The following ATP13A3 variants were observed in gnomAD, a reference collection of about 807,000 sequenced individuals.
The protein encoded by ATP13A3 is polyamine-transporting ATPase 13A3.
In ATP13A3, 59 loss-of-function variants were observed where a neutral mutation model predicts 158.1. That is an observed-to-expected ratio of 0.37 (90% CI 0.30 to 0.46). ATP13A3 has a LOEUF of 0.46. ATP13A3 is among the 20% of genes least tolerant of loss of function. The pLI, the probability that ATP13A3 is intolerant of heterozygous loss-of-function variation, is 1.00. For missense variants in ATP13A3, 1,166 were observed against 1,525.2 expected, an observed-to-expected ratio of 0.76 and a Z score of 3.92; for synonymous variants, 491 against 504.3, an observed-to-expected ratio of 0.97 and a Z score of 0.35.
At chr3:194,489,090 C>CA (rs1421792253), upstream of ATP13A3, among the ~76,000 whole-genome samples, 1 of 152,212 alleles carries the variant, frequency 6.6e-6, no homozygotes, top group Non-Finnish European at 1.5e-5. This position sits in a 1 kb window ranked among gnomAD's most constrained non-coding sequence, Gnocchi z 4.1. Flanking sequence ...ATTCTTAATT[C>CA]AGCCCTCTGC....
At chr3:194,468,478 A>G (rs1287118937) in intron 2 of ATP13A3, among the ~76,000 whole-genome samples, 1 of 151,990 alleles carries the variant, frequency 6.6e-6, no homozygotes, top group Non-Finnish European at 1.5e-5. Flanking sequence ...TTGAAAGTTT[A>G]CTTATTTTTT....
At chr3:194,440,362 G>T (rs967384300) in intron 16 of ATP13A3, among the ~76,000 whole-genome samples, 2 of 152,200 alleles carry the variant, frequency 1.3e-5, no homozygotes, top group Non-Finnish European at 2.9e-5. Context: ...ACATGAGGGT[G>T]AGGATTCCAG....
At chr3:194,471,554 A>G (rs1286012397) in intron 2 of ATP13A3, among the ~76,000 whole-genome samples, 2 of 152,034 alleles carry the variant, frequency 1.3e-5, no homozygotes, top group Non-Finnish European at 2.9e-5. Flanking sequence ...GGGTTTCACT[A>G]TATTGCCCAG....
intron 20 of ATP13A3, among the ~76,000 whole-genome samples, chr3:194,434,697 G>A (rs879471264): frequency 2.7e-4 from 41 of 152,166 alleles, no homozygotes; most frequent in Non-Finnish European, 1.8e-4. Flanking sequence ...TAGGAGGATT[G>A]CTTGAACCTA....
chr3:194,406,901 C>A (rs1714979846), intron 33 of ATP13A3, among the ~76,000 whole-genome samples: 1 of 152,182 alleles, frequency 6.6e-6, no homozygotes, highest in Non-Finnish European at 1.5e-5. Flanking sequence ...TGCTCCACGA[C>A]TGGAAAGGGG....
intron 2 of ATP13A3, among the ~76,000 whole-genome samples, chr3:194,469,792 T>C (rs1461740528): frequency 6.6e-6 from 1 of 152,226 alleles, no homozygotes; most frequent in East Asian, 1.9e-4. Flanking sequence ...AATATTATTT[T>C]ATTCTCAAAC....
rs1714739482 is a variant in ATP13A3 at position 194,403,385 on chromosome 3, G to C, written c.*2534C>G. 1 of 152,148 alleles carries C rather than the reference G, an allele frequency of 6.6e-6. No homozygotes were observed. Among genetic ancestry groups the C allele is most frequent in the East Asian group, 1.9e-4 (1 of 5,206 alleles). The allele number at this position is 152,148 out of a possible 1,614,324, so 9.4% of individuals were successfully genotyped here. The stretch of plus-strand genomic sequence containing the variant: ...CATTGCTTTACAGCAGTTGGTGCTA[G>C]AAGATACAAAACATATAGTTACCAC... On this transcript the variant is annotated 3_prime_UTR_variant, in exon 34 of 34. Coordinates refer to ENST00000645319, the MANE Select transcript of ATP13A3 (RefSeq NM_001367549.1).
rs201353843 is a variant in ATP13A3 at position 194,455,965 on chromosome 3, A to G, written c.561-3T>C. On this transcript the variant is annotated splice_region_variant and splice_polypyrimidine_tract_variant and intron_variant, in intron 7 of 33. Coordinates refer to ENST00000645319, the MANE Select transcript of ATP13A3 (RefSeq NM_001367549.1). Reference sequence around the variant, plus strand: ...CATTTACTCCATAAAGCAGTTTTCTATAACAGGAAAATACATTCATAGTAT... The same window carrying G: ...CATTTACTCCATAAAGCAGTTTTCTGTAACAGGAAAATACATTCATAGTAT... The G allele has an allele frequency of 9.3e-6, 14 of 1,508,094 alleles. No homozygotes were observed. Among genetic ancestry groups the G allele is most frequent in the Non-Finnish European group, 1.2e-5 (13 of 1,109,274 alleles). The allele number at this position is 1,508,094 out of a possible 1,614,324, so 93.4% of individuals were successfully genotyped here.
At chr3:194,435,821 C>T (rs1238618163) in intron 20 of ATP13A3, among the ~76,000 whole-genome samples, 3 of 152,100 alleles carry the variant, frequency 2.0e-5, no homozygotes, top group Non-Finnish European at 4.4e-5. Flanking sequence ...GAAGGAGAAT[C>T]GCTTGAACCC....
chr3:194,433,561 T>C (rs1717403323), intron 21 of ATP13A3, among the ~76,000 whole-genome samples: 1 of 152,330 alleles, frequency 6.6e-6, no homozygotes, highest in Admixed American at 6.5e-5. Context: ...ACTATTCTAC[T>C]ACACTTTCTA....
intron 4 of ATP13A3, among the ~76,000 whole-genome samples, chr3:194,460,187 G>A (rs369981966): frequency 7.9e-5 from 12 of 152,140 alleles, no homozygotes; most frequent in Admixed American, 2.0e-4. Flanking sequence ...ATATTTTACC[G>A]ATAAGCACAT....
At chr3:194,462,580 C>T (rs955485300) in intron 2 of ATP13A3, among the ~76,000 whole-genome samples, 2 of 152,214 alleles carry the variant, frequency 1.3e-5, no homozygotes, top group Admixed American at 6.5e-5. Flanking sequence ...CCTCCCCACC[C>T]GTAACTGTCT....
intron 2 of ATP13A3, among the ~76,000 whole-genome samples, chr3:194,466,759 G>A (rs1175062334): frequency 6.6e-6 from 1 of 152,144 alleles, no homozygotes; most frequent in East Asian, 1.9e-4. Flanking sequence ...GCTGAAATGA[G>A]AGAACCACTT....
Position 194,421,138 on chromosome 3 carries a change from TA to T in ATP13A3, c.3314-1172del, listed in dbSNP as rs1319580404. ...TGTATATATATATATATATATATAG[TA>T]TATATATATATATATATATATATAT... On this transcript the variant is annotated intron_variant, in intron 30 of 33. Transcript: ENST00000645319. 1.2e-3 allele frequency among the ~76,000 whole-genome samples: 7 copies of T among 5,916 alleles called. 1 individual carries two copies. The Admixed American group carries it at 0.013, about 11-fold the overall frequency. 3.9% of individuals were successfully genotyped at this position (5,916 alleles called of 152,430 possible). A position where few individuals can be genotyped will look rare whatever the true frequency, so the allele number is the denominator to read the frequency against.
At chr3:194,432,870 G>A (rs1232725568) in intron 21 of ATP13A3, among the ~76,000 whole-genome samples, 1 of 151,760 alleles carries the variant, frequency 6.6e-6, no homozygotes, top group African/African-American at 2.4e-5. Flanking sequence ...TAATGAGTAA[G>A]AGTTATCTAA....
chr3:194,492,218 A>G (rs1721154451), intron 2 of ATP13A3, among the ~76,000 whole-genome samples: 1 of 151,808 alleles, frequency 6.6e-6, no homozygotes. Flanking sequence ...CAATTCCTCA[A>G]ACGCACCAAC....
At chr3:194,446,469 T>A (rs1718416096) in intron 14 of ATP13A3, among the ~76,000 whole-genome samples, 1 of 152,318 alleles carries the variant, frequency 6.6e-6, no homozygotes, top group South Asian at 2.1e-4. Context: ...TTCCGCCAGT[T>A]GCTGAGATAC....
intron 5 of ATP13A3, 48 bp downstream of exon 5, chr3:194,459,741 G>T: frequency 6.5e-7 from 1 of 1,548,140 alleles, no homozygotes; most frequent in Admixed American, 1.9e-5. Flanking sequence ...AGCATAAAAT[G>T]TAACAATTCT....
intron 33 of ATP13A3, among the ~76,000 whole-genome samples, chr3:194,408,124 AT>A (rs1715086572): frequency 6.6e-6 from 1 of 151,002 alleles, no homozygotes; most frequent in Admixed American, 6.6e-5. Flanking sequence ...GGTTCAAGCG[AT>A]TCTCCTGCCT....
Sources: gnomAD v4.1 joint callset for allele counts (sites outside exome capture counted in the v4.1 genomes callset) on GRCh38, gnomAD v4.1.1 for gene constraint, Gnocchi (gnomAD v3.1) non-coding constraint, MANE v1.5 for transcripts, NCBI Gene and HGNC (gene_info 2026-07-23, HGNC 2026-07-21) for gene names.